ERBB4: variants seen among roughly 807,000 people sequenced by gnomAD.
ERBB4 encodes the protein receptor tyrosine-protein kinase erbB-4.
Under a neutral mutation model 158.0 loss-of-function variants are expected in ERBB4, and 42 were observed. The observed-to-expected ratio is 0.27, with a 90% confidence interval of 0.21 to 0.34. The LOEUF (loss-of-function observed/expected upper bound fraction) is 0.34, where lower values mean the gene tolerates loss of function less well. Ranked by LOEUF, ERBB4 falls within the 10% of genes least tolerant of loss-of-function variation. ERBB4 has a pLI of 1.00. For synonymous variants in ERBB4, 583 were observed against 558.7 expected (o/e 1.04, Z -0.61); for missense variants, 1,333 against 1,624.1 (o/e 0.82, Z 3.08).
At chr2:212,398,756 G>A (rs1020502342) in intron 1 of ERBB4, among the ~76,000 whole-genome samples, 5 of 151,912 alleles carry the variant, frequency 3.3e-5, no homozygotes, top group African/African-American at 1.2e-4. Context: ...ATTCATGAAA[G>A]CATTTAATGA....
chr2:212,081,501 C>G (rs923431342), intron 2 of ERBB4, among the ~76,000 whole-genome samples: 7 of 152,092 alleles, frequency 4.6e-5, no homozygotes, highest in Non-Finnish European at 1.0e-4. Context: ...ATAGATCTAG[C>G]AAAATCACAA....
chr2:211,753,176 TCAATG>T (rs1283911952), intron 4 of ERBB4, among the ~76,000 whole-genome samples: 1 of 152,158 alleles, frequency 6.6e-6, no homozygotes, highest in African/African-American at 2.4e-5. Context: ...TATTTATGAA[TCAATG>T]CACTTACTAC....
intron 1 of ERBB4, among the ~76,000 whole-genome samples, chr2:212,454,524 CT>C (rs1688181290): frequency 1.3e-5 from 2 of 152,056 alleles, no homozygotes; most frequent in Admixed American, 1.3e-4. Context: ...AATATGAAAA[CT>C]TTTGATTTGT....
intron 1 of ERBB4, among the ~76,000 whole-genome samples, chr2:212,514,775 A>AGGTGGT (rs1691730527): frequency 6.6e-6 from 1 of 152,230 alleles, no homozygotes; most frequent in Admixed American, 6.5e-5. Flanking sequence ...ACTGTACTCC[A>AGGTGGT]GCCTGGTGAC....
rs118124470 is a variant in ERBB4 at position 211,724,499 on chromosome 2, T to C, written c.741+577A>G. Among the ~76,000 whole-genome samples the C allele has an allele frequency of 1.2e-3, 182 of 152,210 alleles. 4 individuals carry two copies. In the East Asian group the frequency reaches 0.031, roughly 26 times the overall value. ...AAATTAAGCTGGTGTTCTCGGTATA[T>C]GAAATTGAGTTAAATACAACTCAAA... On this transcript the variant is annotated intron_variant, in intron 6 of 27. Transcript: ENST00000342788.
At chr2:211,672,595 C>T (rs531883975) in intron 14 of ERBB4, among the ~76,000 whole-genome samples, 1 of 152,172 alleles carries the variant, frequency 6.6e-6, no homozygotes, top group Admixed American at 6.5e-5. Context: ...GTACTTGTCT[C>T]CTTCTTTCCA....
intron 1 of ERBB4, among the ~76,000 whole-genome samples, chr2:212,455,475 T>C (rs572257662): frequency 1.1e-4 from 16 of 152,282 alleles, no homozygotes; most frequent in African/African-American, 3.8e-4. Flanking sequence ...ACTAGCCACA[T>C]GGCTGTTGAG....
At position 212,538,614 on chromosome 2, in the gene ERBB4, A is replaced by G. The variant is rs1367672684; in HGVS notation, c.-84T>C. 2 of 1,423,014 alleles carry G rather than the reference A, an allele frequency of 1.4e-6. No homozygotes were observed. Among genetic ancestry groups the G allele is most frequent in the African/African-American group, 1.4e-5 (1 of 70,934 alleles). The allele number at this position is 1,423,014 out of a possible 1,614,324, so 88.1% of individuals were successfully genotyped here. ...TTCGGGCACGCGGAGGAGATCCCCC[A>G]GCCGGGCGCGCGTGGGGGTGCGAGG... On this transcript the variant is annotated 5_prime_UTR_variant, in exon 1 of 28. Coordinates refer to ENST00000342788, the MANE Select transcript of ERBB4 (RefSeq NM_005235.3).
intron 20 of ERBB4, among the ~76,000 whole-genome samples, chr2:211,434,921 G>A (rs2063818295): frequency 6.6e-6 from 1 of 152,116 alleles, no homozygotes; most frequent in Non-Finnish European, 1.5e-5. Flanking sequence ...ACTTACTAAA[G>A]CCACCTTAGT....
chr2:211,595,523 C>T (rs919327421), intron 19 of ERBB4, among the ~76,000 whole-genome samples: 1 of 151,920 alleles, frequency 6.6e-6, no homozygotes, highest in African/African-American at 2.4e-5. Flanking sequence ...AAATATAAAG[C>T]ATTAATAATA....
chr2:211,987,815 C>T (rs2081976561), intron 2 of ERBB4, among the ~76,000 whole-genome samples: 1 of 152,084 alleles, frequency 6.6e-6, no homozygotes, highest in Admixed American at 6.6e-5. Context: ...AGGTATTCAG[C>T]CAAAACTAAC....
chr2:212,192,142 ATGTT>A (rs201951245), intron 1 of ERBB4, among the ~76,000 whole-genome samples: 7 of 121,882 alleles, frequency 5.7e-5, no homozygotes, highest in South Asian at 2.5e-4. Context: ...TGTTATCTAT[ATGTT>A]ATATATATTA....
chr2:211,494,444 CT>C (rs1455874364), intron 20 of ERBB4, among the ~76,000 whole-genome samples: 1 of 152,022 alleles, frequency 6.6e-6, no homozygotes, highest in African/African-American at 2.4e-5. Context: ...TAAAAGTTTA[CT>C]TTTTAAACTA....
At chr2:211,403,718 A>ATTCTT (rs2063092241) in intron 25 of ERBB4, among the ~76,000 whole-genome samples, 1 of 152,044 alleles carries the variant, frequency 6.6e-6, no homozygotes, top group South Asian at 2.1e-4. Flanking sequence ...ACAATCTCTT[A>ATTCTT]TTCTTTCTGT....
intron 19 of ERBB4, among the ~76,000 whole-genome samples, chr2:211,599,487 A>G (rs1011650848): frequency 2.4e-5 from 1 of 41,924 alleles, no homozygotes; most frequent in African/African-American, 5.5e-5. Context: ...TCTTTGAGCT[A>G]ACAGGCTCAC....
At chr2:211,669,216 C>CAAAAAAAAAAAA (rs71054124) in intron 14 of ERBB4, among the ~76,000 whole-genome samples, 58 of 56,094 alleles carry the variant, frequency 1.0e-3, no homozygotes, top group East Asian at 1.8e-3. Context: ...GAGTGAGTCT[C>CAAAAAAAAAAAA]AAAAAAAAAA....
At chr2:211,612,235 GAA>G (rs71397135) in intron 19 of ERBB4, among the ~76,000 whole-genome samples, 2 of 151,068 alleles carry the variant, frequency 1.3e-5, no homozygotes, top group Non-Finnish European at 2.9e-5. Flanking sequence ...TTAAAACATG[GAA>G]AAAAAAATCA....
intron 3 of ERBB4, among the ~76,000 whole-genome samples, chr2:211,847,791 C>A (rs2106021953): frequency 6.6e-6 from 1 of 152,230 alleles, no homozygotes; most frequent in East Asian, 1.9e-4. Context: ...ATTATTGAGG[C>A]TTTCCTTTGT....
At chr2:212,456,705 T>C (rs1263945883) in intron 1 of ERBB4, among the ~76,000 whole-genome samples, 1 of 152,042 alleles carries the variant, frequency 6.6e-6, no homozygotes, top group Non-Finnish European at 1.5e-5. Flanking sequence ...AGGGATACAA[T>C]TTTTGCAGAG....
Sources: allele counts gnomAD v4.1 joint callset (sites outside exome capture counted in the v4.1 genomes callset), GRCh38; gene constraint gnomAD v4.1.1; transcripts MANE v1.5; gene names NCBI Gene and HGNC (gene_info 2026-07-23, HGNC 2026-07-21).